ZBTB20: variants seen among roughly 807,000 people sequenced by gnomAD.
ZBTB20 encodes the protein zinc finger and BTB domain containing 20, also known as zinc finger and BTB domain-containing protein 20.
A neutral mutation model predicts 56.9 loss-of-function variants in ZBTB20; 9 were observed. The ratio of observed to expected loss-of-function variants is 0.16; its 90% CI spans 0.10 to 0.28. The LOEUF (loss-of-function observed/expected upper bound fraction) is 0.28. Among genes scored for constraint, ZBTB20 ranks in the 10% least tolerant of loss-of-function variants. The pLI is 1.00. For synonymous variants in ZBTB20, 417 were observed against 420.7 expected, an observed-to-expected ratio of 0.99 and a Z score of 0.11; for missense variants, 655 against 1,003.0, an observed-to-expected ratio of 0.65 and a Z score of 4.69.
At chr3:114,814,901 G>A (rs371342778) in intron 4 of ZBTB20, among the ~76,000 whole-genome samples, 4 of 152,206 alleles carry the variant, frequency 2.6e-5, no homozygotes, top group East Asian at 3.9e-4. Flanking sequence ...AAAGGTGTCC[G>A]AACAGGCAGC....
chr3:114,954,196 T>C (rs1475204040), intron 3 of ZBTB20, among the ~76,000 whole-genome samples: 1 of 152,190 alleles, frequency 6.6e-6, no homozygotes, highest in Non-Finnish European at 1.5e-5. Context: ...ATATTTGCTT[T>C]AAATATTTGT....
intron 6 of ZBTB20, among the ~76,000 whole-genome samples, chr3:114,578,588 A>G (rs1484588531): frequency 6.6e-6 from 1 of 151,928 alleles, no homozygotes; most frequent in Non-Finnish European, 1.5e-5. Context: ...GATTATTTAT[A>G]AAGAGATAAA....
chr3:114,682,228 G>A (rs1302826563), intron 6 of ZBTB20, among the ~76,000 whole-genome samples: 1 of 151,952 alleles, frequency 6.6e-6, no homozygotes, highest in Non-Finnish European at 1.5e-5. Flanking sequence ...AAACAAAAAG[G>A]GTATATATGC....
intron 5 of ZBTB20, among the ~76,000 whole-genome samples, chr3:114,786,958 A>C (rs991408839): frequency 1.3e-5 from 2 of 152,006 alleles, no homozygotes; most frequent in Non-Finnish European, 1.5e-5. Context: ...AAATCGTGAA[A>C]CATGCAATGA....
intron 6 of ZBTB20, among the ~76,000 whole-genome samples, chr3:114,514,940 T>A (rs2045818974): frequency 6.6e-6 from 1 of 152,228 alleles, no homozygotes; most frequent in African/African-American, 2.4e-5. Context: ...TGCTCTTACA[T>A]GCACAGGTAT....
intron 2 of ZBTB20, among the ~76,000 whole-genome samples, chr3:115,029,174 T>C (rs530036994): frequency 4.0e-5 from 6 of 150,694 alleles, no homozygotes; most frequent in African/African-American, 1.5e-4. Context: ...AAACTAACAC[T>C]ACAAGAAAAA....
intron 7 of ZBTB20, among the ~76,000 whole-genome samples, chr3:114,484,549 AT>A (rs2041898497): frequency 6.6e-6 from 1 of 152,208 alleles, no homozygotes; most frequent in African/African-American, 2.4e-5. Context: ...AGCTTTCTTA[AT>A]TAAGATTTTC....
chr3:114,375,507 A>T (rs2083508773), intron 10 of ZBTB20, among the ~76,000 whole-genome samples: 1 of 152,238 alleles, frequency 6.6e-6, no homozygotes, highest in Non-Finnish European at 1.5e-5. Flanking sequence ...GTTATAGAGT[A>T]AAATAACTTT....
intron 7 of ZBTB20, among the ~76,000 whole-genome samples, chr3:114,444,964 A>C (rs2091175831): frequency 6.6e-6 from 1 of 152,162 alleles, no homozygotes; most frequent in Non-Finnish European, 1.5e-5. Context: ...CCAATATTCC[A>C]TTCTGAAGAG....
intron 2 of ZBTB20, among the ~76,000 whole-genome samples, chr3:115,069,446 C>T (rs1342292264): frequency 2.0e-5 from 3 of 152,078 alleles, no homozygotes; most frequent in Admixed American, 6.6e-5. Flanking sequence ...TAATATGCCA[C>T]GAACTCTCCA....
chr3:114,908,598 A>C (rs952471893), intron 3 of ZBTB20, among the ~76,000 whole-genome samples: 1 of 151,994 alleles, frequency 6.6e-6, no homozygotes, highest in African/African-American at 2.4e-5. Flanking sequence ...CTCATATATC[A>C]AAAATATCAA....
At chr3:114,902,572 T>C (rs772734418) in intron 3 of ZBTB20, among the ~76,000 whole-genome samples, 69 of 152,192 alleles carry the variant, frequency 4.5e-4, no homozygotes, top group Non-Finnish European at 7.8e-4. Flanking sequence ...TAAAAAGTCA[T>C]GTGTATTAGT....
At chr3:114,889,558 T>C (rs1298780593) in intron 4 of ZBTB20, among the ~76,000 whole-genome samples, 3 of 152,216 alleles carry the variant, frequency 2.0e-5, no homozygotes, top group East Asian at 1.9e-4. Context: ...TTTGTGTCAG[T>C]AGCTACAATA....
intron 1 of ZBTB20, among the ~76,000 whole-genome samples, chr3:115,106,987 A>G (rs2083741980): frequency 1.3e-5 from 2 of 152,274 alleles, no homozygotes; most frequent in Non-Finnish European, 2.9e-5. Context: ...AATTTGAGAT[A>G]TAAGGATGAT....
intron 1 of ZBTB20, among the ~76,000 whole-genome samples, chr3:115,105,835 T>C (rs1026754944): frequency 6.6e-6 from 1 of 152,228 alleles, no homozygotes; most frequent in Non-Finnish European, 1.5e-5. Context: ...TTTGTTTGTT[T>C]GTTTTTTGAG....
intron 2 of ZBTB20, among the ~76,000 whole-genome samples, chr3:115,055,141 A>G (rs1375986573): frequency 6.7e-6 from 1 of 150,198 alleles, no homozygotes; most frequent in Non-Finnish European, 1.5e-5. Context: ...TTTAACTTAC[A>G]AACTTTTGCT....
At chr3:114,445,669 G>A (rs1234381905) in intron 7 of ZBTB20, 3 of 152,078 alleles carry the variant, frequency 2.0e-5, no homozygotes, top group Non-Finnish European at 4.4e-5. Flanking sequence ...TTATTTATTA[G>A]AGCAAAATCT....
intron 1 of ZBTB20, among the ~76,000 whole-genome samples, chr3:115,122,791 C>G (rs1463090715): frequency 6.6e-6 from 1 of 152,080 alleles, no homozygotes; most frequent in African/African-American, 2.4e-5. Flanking sequence ...TCAGTGTCCA[C>G]CAATCTTCAT....
chr3:114,485,784 C>T (rs918120588), intron 7 of ZBTB20, among the ~76,000 whole-genome samples: 2 of 152,060 alleles, frequency 1.3e-5, no homozygotes, highest in African/African-American at 4.8e-5. Flanking sequence ...GAAGATACAG[C>T]AAGAGGTGCG....
Sources: allele counts gnomAD v4.1 joint callset (sites outside exome capture counted in the v4.1 genomes callset), GRCh38; gene constraint gnomAD v4.1.1; transcripts MANE v1.5; gene names NCBI Gene and HGNC (gene_info 2026-07-23, HGNC 2026-07-21).